The following PMFBP1 variants were observed in gnomAD, a reference collection of about 807,000 sequenced individuals.
The protein encoded by PMFBP1 is polyamine-modulated factor 1-binding protein 1.
In PMFBP1, 131 loss-of-function variants were observed where a neutral mutation model predicts 137.8. The observed-to-expected ratio is 0.95, with a 90% CI of 0.82 to 1.10. PMFBP1 has a LOEUF of 1.10. PMFBP1 is among the 50% of genes least tolerant of loss of function. PMFBP1 has a pLI of 0.00. For missense variants in PMFBP1, 1,199 were observed against 1,175.4 expected (o/e 1.02, Z -0.29); for synonymous variants, 490 against 450.4 (o/e 1.09, Z -1.11).
At chr16:72,183,721 T>C in the PMFBP1 span, among the ~76,000 whole-genome samples, 3 of 152,168 alleles carry the variant, frequency 2.0e-5, no homozygotes, top group African/African-American at 7.2e-5. Flanking sequence ...TAGTTACCTA[T>C]GAGCAACTAT....
downstream of PMFBP1, among the ~76,000 whole-genome samples, chr16:72,117,280 A>C (rs1235121744): frequency 6.6e-6 from 1 of 152,024 alleles, no homozygotes; most frequent in East Asian, 1.9e-4. Flanking sequence ...AAATGAAATT[A>C]TTTTTATAAT....
chr16:72,225,819 G>C, the PMFBP1 span, among the ~76,000 whole-genome samples: 17,955 of 151,118 alleles, frequency 0.12, 1,435 homozygotes, highest in South Asian at 0.17. Flanking sequence ...TAGATGCTAG[G>C]TGTGTAGTCA....
chr16:72,121,823 C>A (rs1276095693), intron 19 of PMFBP1, among the ~76,000 whole-genome samples: 1 of 152,240 alleles, frequency 6.6e-6, no homozygotes, highest in African/African-American at 2.4e-5. Flanking sequence ...ACAGACAGGG[C>A]CTTGCTGTCG....
upstream of PMFBP1, among the ~76,000 whole-genome samples, chr16:72,178,959 T>C (rs745760559): frequency 5.3e-5 from 8 of 152,198 alleles, no homozygotes; most frequent in Non-Finnish European, 1.2e-4. Flanking sequence ...TTCTTTGCCC[T>C]CTCCACCATA....
chr16:72,128,837 A>G (rs773871626), intron 13 of PMFBP1, 43 bp from the exon 14 acceptor site: 3 of 1,611,518 alleles, frequency 1.9e-6, no homozygotes, highest in Non-Finnish European at 2.5e-6. Context: ...AGAGGTGTTA[A>G]TCTCAGATAA....
chr16:72,189,544 G>A, the PMFBP1 span, among the ~76,000 whole-genome samples: 7 of 152,300 alleles, frequency 4.6e-5, no homozygotes, highest in African/African-American at 1.7e-4. Context: ...ACCAGAGGAG[G>A]GGCCTCTCCA....
rs780770918 is a variant in PMFBP1, at chr16:72,130,202, G to T, written c.1782+11C>A. ...AAGCACTTGAATGGGCCATCTGCCT[G>T]CCCGTCATACCTGGTGCTTGATACG... is the stretch of plus-strand genomic sequence containing the variant. On this transcript the variant is annotated intron_variant, in intron 12 of 20. Transcript: ENST00000237353. 27 of 1,610,620 alleles carry T rather than the reference G, an allele frequency of 1.7e-5. No homozygotes were observed. Among genetic ancestry groups the T allele is most frequent in the Non-Finnish European group, 2.2e-5 (26 of 1,179,968 alleles).
intron 18 of PMFBP1, among the ~76,000 whole-genome samples, 197 bp from the exon 19 acceptor site, chr16:72,123,185 T>C (rs575920036): frequency 1.6e-4 from 24 of 152,098 alleles, no homozygotes; most frequent in Non-Finnish European, 3.1e-4. Flanking sequence ...TCAACTCCTA[T>C]GCAAAATCCT....
At chr16:72,159,797 C>CTTT (rs34162927) in intron 3 of PMFBP1, among the ~76,000 whole-genome samples, 78 of 147,602 alleles carry the variant, frequency 5.3e-4, no homozygotes, top group East Asian at 1.2e-3. Context: ...GCTTCTTTGT[C>CTTT]TTTTTTTTTT....
At chr16:72,172,750 A>G (rs2043233429), upstream of PMFBP1, among the ~76,000 whole-genome samples, 2 of 152,120 alleles carry the variant, frequency 1.3e-5, no homozygotes. Flanking sequence ...ACTGTGGTCT[A>G]CTAAGCGTGC....
the PMFBP1 span, chr16:72,224,724 T>C: frequency 6.6e-6 from 1 of 152,442 alleles, no homozygotes; most frequent in Admixed American, 6.5e-5. Flanking sequence ...AATTTGCTTT[T>C]AGAGTTCACA....
upstream of PMFBP1, among the ~76,000 whole-genome samples, chr16:72,179,896 G>A (rs976629970): frequency 2.0e-5 from 3 of 152,162 alleles, no homozygotes; most frequent in African/African-American, 7.2e-5. Context: ...TGTATTCTTT[G>A]AACATCTAAT....
At chr16:72,173,321 A>C (rs1307709321), upstream of PMFBP1, among the ~76,000 whole-genome samples, 2 of 152,224 alleles carry the variant, frequency 1.3e-5, no homozygotes, top group African/African-American at 4.8e-5. Flanking sequence ...TGAGAATCAT[A>C]CTTCTTTGCA....
rs2042453177 is a variant in PMFBP1, at chr16:72,126,104, C to T, written c.2117G>A (p.Ser706Asn). 1 of 1,613,998 alleles carries T rather than the reference C, an allele frequency of 6.2e-7. No homozygotes were observed. Among genetic ancestry groups the T allele is most frequent in the Non-Finnish European group, 8.5e-7 (1 of 1,180,022 alleles). ...AGCTTTGTCCAGCTGGGCCTGCAGG[C>T]TCATTAAGGACTCCTTCTGAAGGGC... is the stretch of plus-strand genomic sequence containing the variant. ...EIALQKESLM[S>N]LQAQLDKALQ... The change falls in exon 15 of 21, where the codon AGC becomes AAC. Residue 706 changes from serine to asparagine, a missense_variant. Ser to Asn is a conservative substitution (Grantham distance 46). Transcript: ENST00000237353.
At chr16:72,179,738 T>C (rs2043270116), upstream of PMFBP1, among the ~76,000 whole-genome samples, 1 of 152,178 alleles carries the variant, frequency 6.6e-6, no homozygotes, top group Non-Finnish European at 1.5e-5. Context: ...GTACGGGGAA[T>C]ATTTGGCCAT....
chr16:72,175,225 G>A (rs184453961), upstream of PMFBP1, among the ~76,000 whole-genome samples: 1 of 152,180 alleles, frequency 6.6e-6, no homozygotes, highest in Non-Finnish European at 1.5e-5. Context: ...CCATCTCATA[G>A]ATCTCACCAG....
chr16:72,118,514 C>T (rs556937781), downstream of PMFBP1, among the ~76,000 whole-genome samples: 1 of 152,272 alleles, frequency 6.6e-6, no homozygotes, highest in East Asian at 1.9e-4. Context: ...TTTACTGCCC[C>T]CCTCAGAAGT....
At chr16:72,171,367 G>T in intron 1 of PMFBP1, 99 bp from the exon 2 acceptor site, 1 of 770,588 alleles carries the variant, frequency 1.3e-6, no homozygotes, top group Admixed American at 2.7e-5. Context: ...AAGAGGTTTG[G>T]AAAATTTTCC....
the PMFBP1 span, among the ~76,000 whole-genome samples, chr16:72,246,910 GTT>G: frequency 6.6e-6 from 1 of 152,126 alleles, no homozygotes; most frequent in Non-Finnish European, 1.5e-5. Context: ...GAAATAAAAA[GTT>G]TTACTAACAA....
Sources: allele counts gnomAD v4.1 joint callset (sites outside exome capture counted in the v4.1 genomes callset), GRCh38; gene constraint gnomAD v4.1.1; transcripts MANE v1.5; gene names NCBI Gene and HGNC (gene_info 2026-07-23, HGNC 2026-07-21).